The following TRMT11 variants were observed in gnomAD, a reference collection of about 807,000 sequenced individuals.
TRMT11 encodes the protein tRNA (guanine(10)-N(2))-methyltransferase TRMT11.
In TRMT11, 53 loss-of-function variants were observed where a neutral mutation model predicts 62.8. The observed-to-expected ratio is 0.84, with a 90% CI of 0.68 to 1.06. TRMT11 has a LOEUF of 1.06. Among genes scored for constraint, TRMT11 ranks in the 50% least tolerant of loss-of-function variants. TRMT11 has a pLI of 0.00. For missense variants in TRMT11, 556 were observed against 553.4 expected (o/e 1.00, Z -0.05); for synonymous variants, 188 against 190.3 (o/e 0.99, Z 0.10).
chr6:126,062,980 T>C (rs1274012303), intron 17 of TRMT11, among the ~76,000 whole-genome samples: 1 of 152,212 alleles, frequency 6.6e-6, no homozygotes, highest in Non-Finnish European at 1.5e-5. Flanking sequence ...ATCAGTACTC[T>C]TCAGCCATTA....
chr6:126,216,385 C>A, the TRMT11 span, among the ~76,000 whole-genome samples: 1 of 152,084 alleles, frequency 6.6e-6, no homozygotes, highest in African/African-American at 2.4e-5. Context: ...GCTTTTGCTG[C>A]GTCATAGGTT....
chr6:126,148,315 T>C (rs527641103), intron 21 of TRMT11, among the ~76,000 whole-genome samples: 1 of 152,270 alleles, frequency 6.6e-6, no homozygotes, highest in South Asian at 2.1e-4. Context: ...ACAGTGAATA[T>C]CACAAATGCA....
chr6:126,182,382 A>T (rs573226929), intron 1 of TRMT11, among the ~76,000 whole-genome samples: 30 of 148,466 alleles, frequency 2.0e-4, no homozygotes, highest in African/African-American at 7.5e-4. Flanking sequence ...TTTTTTTCCC[A>T]CTTCTTGGTG....
rs1307736506 is a variant in TRMT11 at position 126,013,012 on chromosome 6, T to TTG, written c.1050_1051insTG (p.Asp351TrpfsTer8). On this transcript the variant is annotated frameshift_variant, in exon 11 of 13. Coordinates refer to ENST00000334379, the MANE Select transcript of TRMT11 (RefSeq NM_001031712.3). LOFTEE classifies it high-confidence loss of function. ...CTGTTTCCTTGAGTTATCATCTGAG[T>TTG]GATATGTTTCTTGACCTGTTAAACT... The TTG allele has an allele frequency of 6.2e-7, 1 of 1,613,672 alleles. No individual in the cohort carries two copies. Among genetic ancestry groups the TTG allele is most frequent in the African/African-American group, 1.3e-5 (1 of 74,884 alleles).
intron 16 of TRMT11, among the ~76,000 whole-genome samples, chr6:126,046,856 A>G (rs1197736885): frequency 6.6e-6 from 1 of 152,182 alleles, no homozygotes; most frequent in Non-Finnish European, 1.5e-5. Context: ...GACATGTTAT[A>G]TGCTTGAACT....
chr6:126,026,688 A>G (rs1773172937), intron 12 of TRMT11, among the ~76,000 whole-genome samples: 1 of 151,122 alleles, frequency 6.6e-6, no homozygotes, highest in South Asian at 2.1e-4. Context: ...CCCGGCTCTA[A>G]AAGGTAAATA....
intron 12 of TRMT11, among the ~76,000 whole-genome samples, chr6:126,022,208 T>A (rs1377700386): frequency 2.0e-5 from 3 of 151,832 alleles, no homozygotes; most frequent in Non-Finnish European, 4.4e-5. Context: ...TATGCCTGGC[T>A]GATTTTTTTT....
At chr6:126,089,630 G>A (rs898071546) in intron 17 of TRMT11, among the ~76,000 whole-genome samples, 3 of 152,098 alleles carry the variant, frequency 2.0e-5, no homozygotes, top group Non-Finnish European at 4.4e-5. Context: ...CTGCCACCTC[G>A]TCCTGCTGAA....
the TRMT11 span, among the ~76,000 whole-genome samples, chr6:126,268,499 G>A: frequency 1.6e-3 from 238 of 152,272 alleles, 4 homozygotes; most frequent in African/African-American, 5.3e-3. Flanking sequence ...TGTGTGAGGC[G>A]TTCTGAACTC....
chr6:126,086,068 A>G (rs1777213866), intron 17 of TRMT11, among the ~76,000 whole-genome samples: 1 of 152,208 alleles, frequency 6.6e-6, no homozygotes, highest in African/African-American at 2.4e-5. Flanking sequence ...GTTGGAGGAA[A>G]ATGTCCTTAG....
chr6:126,119,278 A>G lies in TRMT11; in HGVS notation c.*1823+3423A>G, dbSNP rs182200596. 2.4e-4 allele frequency among the ~76,000 whole-genome samples: 36 copies of G among 152,208 alleles called. No individual in the cohort carries two copies. The East Asian group carries it at 6.8e-3, about 29-fold the overall frequency. Reference sequence around the variant, plus strand: ...TTTCCTTAAAAGTTCATGGTTGCCTATGTGGTGTGATTTGAGAAATCCTGA... The same window carrying G: ...TTTCCTTAAAAGTTCATGGTTGCCTGTGTGGTGTGATTTGAGAAATCCTGA... On this transcript the variant is annotated intron_variant and NMD_transcript_variant, in intron 21 of 22. Coordinates refer to the TRMT11 transcript ENST00000648977.
At chr6:126,141,677 T>A (rs2128215315) in intron 21 of TRMT11, among the ~76,000 whole-genome samples, 1 of 152,234 alleles carries the variant, frequency 6.6e-6, no homozygotes, top group Non-Finnish European at 1.5e-5. Context: ...GAAAAGGAGA[T>A]TATATATGGT....
chr6:126,230,389 T>C, the TRMT11 span, among the ~76,000 whole-genome samples: 1 of 152,204 alleles, frequency 6.6e-6, no homozygotes, highest in African/African-American at 2.4e-5. Flanking sequence ...ACTCCTGGCT[T>C]CCTTAGCTTC....
downstream of TRMT11, among the ~76,000 whole-genome samples, chr6:126,041,237 TG>T (rs1175107805): frequency 1.4e-4 from 22 of 152,268 alleles, no homozygotes; most frequent in East Asian, 4.2e-3. Flanking sequence ...GTAGAGTATG[TG>T]TTAACATCAC....
chr6:126,168,345 C>T (rs1293677315), intron 21 of TRMT11, among the ~76,000 whole-genome samples: 2 of 152,158 alleles, frequency 1.3e-5, no homozygotes, highest in Non-Finnish European at 2.9e-5. Flanking sequence ...AAACTTATTT[C>T]TGTTAATGAT....
At chr6:126,174,565 AAAAC>A (rs1778364221), upstream of TRMT11, among the ~76,000 whole-genome samples, 1 of 152,226 alleles carries the variant, frequency 6.6e-6, no homozygotes, top group Non-Finnish European at 1.5e-5. Flanking sequence ...CTTTACACAA[AAAAC>A]AAACAGAGGT....
At chr6:126,020,102 A>G (rs1233404548) in intron 11 of TRMT11, among the ~76,000 whole-genome samples, 3 of 152,250 alleles carry the variant, frequency 2.0e-5, no homozygotes, top group African/African-American at 7.2e-5. Context: ...AGAAAAGTTC[A>G]TGAAAGAGTG....
intron 17 of TRMT11, among the ~76,000 whole-genome samples, chr6:126,069,862 T>G (rs1220223292): frequency 1.3e-5 from 2 of 152,142 alleles, no homozygotes; most frequent in Non-Finnish European, 2.9e-5. Context: ...AAGGTTTTTT[T>G]TTTTTTTTTT....
chr6:126,222,887 T>C, the TRMT11 span, among the ~76,000 whole-genome samples: 4 of 151,390 alleles, frequency 2.6e-5, no homozygotes, highest in African/African-American at 7.2e-5. Context: ...GGTTCCTATA[T>C]AGATTTGATT....
Sources: allele counts gnomAD v4.1 joint callset (sites outside exome capture counted in the v4.1 genomes callset), GRCh38; gene constraint gnomAD v4.1.1; transcripts MANE v1.5; gene names NCBI Gene and HGNC (gene_info 2026-07-23, HGNC 2026-07-21).